Variants in ARHGAP5 observed in about 807,000 individuals in gnomAD.
ARHGAP5 encodes the protein rho GTPase-activating protein 5.
ARHGAP5 carries 23 observed loss-of-function variants against 116.6 expected under a neutral mutation model. The observed-to-expected ratio is 0.20, with a 90% CI of 0.14 to 0.28. ARHGAP5 has a LOEUF of 0.28. ARHGAP5 is among the 10% of genes least tolerant of loss of function. The pLI, the probability that ARHGAP5 is intolerant of heterozygous loss-of-function variation, is 1.00. For missense variants in ARHGAP5, 1,405 were observed against 1,774.8 expected (o/e 0.79, Z 3.74); for synonymous variants, 574 against 602.0 (o/e 0.95, Z 0.68).
At chr14:32,150,805 G>C (rs2139148775) in intron 5 of ARHGAP5, among the ~76,000 whole-genome samples, 1 of 152,248 alleles carries the variant, frequency 6.6e-6, no homozygotes, top group East Asian at 1.9e-4. Flanking sequence ...GTCATTTTGG[G>C]AAAGAACATG....
intron 2 of ARHGAP5, among the ~76,000 whole-genome samples, chr14:32,100,066 A>G (rs369483129): frequency 2.6e-5 from 4 of 152,328 alleles, no homozygotes; most frequent in East Asian, 1.9e-4. Flanking sequence ...TTGAAATGCA[A>G]TTTCACAAAA....
intron 2 of ARHGAP5, among the ~76,000 whole-genome samples, chr14:32,110,620 A>G (rs1235104610): frequency 1.3e-5 from 2 of 152,204 alleles, no homozygotes; most frequent in East Asian, 1.9e-4. Context: ...AGTCCAAGGC[A>G]TGCAGATTGT....
chr14:32,159,001 CA>C lies in ARHGAP5; in HGVS notation c.*4054del, dbSNP rs956717188. ...CCTCCACTATATGAGTTTTCTTTGTCAGGGGGAGAGGAGTGGGAAGAGTCAC... is the reference window on the plus strand; with the variant it reads ...CCTCCACTATATGAGTTTTCTTTGTCGGGGGAGAGGAGTGGGAAGAGTCAC... On this transcript the variant is annotated 3_prime_UTR_variant, in exon 7 of 7. Coordinates refer to ENST00000345122, the MANE Select transcript of ARHGAP5 (RefSeq NM_001030055.2). The C allele has an allele frequency of 6.6e-6, 1 of 151,978 alleles. No individual in the cohort carries two copies. Among genetic ancestry groups the C allele is most frequent in the Non-Finnish European group, 1.5e-5 (1 of 67,924 alleles). The allele number at this position is 151,978 out of a possible 1,614,324, so 9.4% of individuals were successfully genotyped here.
At chr14:32,150,090 A>G in intron 5 of ARHGAP5, 57 bp downstream of exon 5, 2 of 1,400,488 alleles carry the variant, frequency 1.4e-6, no homozygotes, top group Non-Finnish European at 1.9e-6. Context: ...TTGGATATTG[A>G]TTGCTAAGTG....
intron 3 of ARHGAP5, among the ~76,000 whole-genome samples, chr14:32,130,747 G>A (rs1416891330): frequency 6.6e-6 from 1 of 151,198 alleles, no homozygotes; most frequent in Admixed American, 6.6e-5. Context: ...TGGCCAGGCT[G>A]GTCTCAAACT....
chr14:32,104,160 A>G (rs1209342023), intron 2 of ARHGAP5, among the ~76,000 whole-genome samples: 1 of 152,326 alleles, frequency 6.6e-6, no homozygotes, highest in South Asian at 2.1e-4. Flanking sequence ...GAGGAGGAAG[A>G]CACTGAAATT....
At chr14:32,152,602 T>C (rs1881694010) in intron 6 of ARHGAP5, 74 bp downstream of exon 6, 1 of 801,928 alleles carries the variant, frequency 1.2e-6, no homozygotes, top group Non-Finnish European at 2.0e-6. Flanking sequence ...TTTTATAAAT[T>C]GGATAATTAT....
chr14:32,132,300 T>C (rs1000599209), intron 3 of ARHGAP5, among the ~76,000 whole-genome samples: 28 of 152,126 alleles, frequency 1.8e-4, no homozygotes, highest in African/African-American at 5.3e-4. Context: ...GATGGTATCT[T>C]ATTGTGGTTT....
Position 32,156,337 on chromosome 14 carries a change from T to C in ARHGAP5, c.*1389T>C, listed in dbSNP as rs1161815451. On this transcript the variant is annotated 3_prime_UTR_variant, in exon 7 of 7. Transcript: ENST00000345122. ...CATACTACAATTTAAGATTATCTTA[T>C]GTGTATTATAGTAAATAGATGATTT... 6.6e-6 allele frequency: 1 copy of C among 152,458 alleles called. No homozygotes were observed. The highest frequency in any genetic ancestry group is 1.5e-5 in the Non-Finnish European group (1 of 67,854). 9.4% of individuals were successfully genotyped at this position (152,458 alleles called of 1,614,324 possible). A position where few individuals can be genotyped will look rare whatever the true frequency, so the allele number is the denominator to read the frequency against.
chr14:32,092,511 A>G lies in ARHGAP5; in HGVS notation c.1842A>G (p.Ile614Met). Residue 614 changes from isoleucine (I) to methionine (M), a missense_variant, in exon 2 of 7, where the codon ATA (isoleucine) becomes ATG (methionine). Physicochemically the swap from Ile to Met is conservative, Grantham distance 10. This residue lies in a region of ARHGAP5 where 944 missense variants were observed against 1,095.3 expected (regional missense o/e 0.86). Coordinates refer to ENST00000345122, the MANE Select transcript of ARHGAP5 (RefSeq NM_001030055.2). The surrounding 1 kb of genome is among the most constrained non-coding windows in gnomAD (Gnocchi z 4.1). The part of the protein sequence containing the change: ...DGLAQELANE[I>M]RTQSTDDEYA... ...TTGCCCAAGAACTAGCAAATGAGAT[A>G]AGGACACAATCCACTGATGATGAGT... 6.2e-7 allele frequency: 1 copy of G among 1,614,048 alleles called. No individual in the cohort carries two copies. Among genetic ancestry groups the G allele is most frequent in the South Asian group, 1.1e-5 (1 of 91,078 alleles).
At chr14:32,105,828 T>C (rs1339010739) in intron 2 of ARHGAP5, among the ~76,000 whole-genome samples, 1 of 152,234 alleles carries the variant, frequency 6.6e-6, no homozygotes, top group Non-Finnish European at 1.5e-5. Context: ...TTTTCATTTC[T>C]ATAATTTTGT....
At chr14:32,085,885 G>T (rs1422144662) in intron 1 of ARHGAP5, among the ~76,000 whole-genome samples, 1 of 151,990 alleles carries the variant, frequency 6.6e-6, no homozygotes, top group Non-Finnish European at 1.5e-5. Flanking sequence ...TTGTTATGCT[G>T]GCTAAGTACA....
At chr14:32,119,570 T>G (rs1879779688) in intron 3 of ARHGAP5, among the ~76,000 whole-genome samples, 1 of 149,864 alleles carries the variant, frequency 6.7e-6, no homozygotes, top group Non-Finnish European at 1.5e-5. Context: ...AAGATTTAAG[T>G]TATTTTCATT....
chr14:32,090,094 A>G (rs1306311125), intron 1 of ARHGAP5, among the ~76,000 whole-genome samples: 1 of 151,962 alleles, frequency 6.6e-6, no homozygotes, highest in East Asian at 1.9e-4. Flanking sequence ...GTTGTTTTGT[A>G]TTTTTAAGTT....
At chr14:32,153,655 T>G (rs910099904) in intron 6 of ARHGAP5, among the ~76,000 whole-genome samples, 1 of 151,360 alleles carries the variant, frequency 6.6e-6, no homozygotes, top group Admixed American at 6.6e-5. Context: ...GTATTTTTAG[T>G]AGAGACAGGG....
chr14:32,093,066 C>T lies in ARHGAP5; in HGVS notation c.2397C>T (p.Phe799=), dbSNP rs768232197. 3 of 1,613,990 alleles carry T rather than the reference C, an allele frequency of 1.9e-6. No homozygotes were observed. The Admixed American group carries it at 5.0e-5, about 27-fold the overall frequency. The part of the protein sequence containing the change: ...PFSVDLILSP[F]LDSHSCSAAQ... ...GTGTGGATCTTATTCTTTCACCCTT[C>T]CTTGATTCTCATTCTTGCAGTGCTG... The change falls in exon 2 of 7, where the codon TTC becomes TTT. Residue 799 remains phenylalanine, a synonymous_variant. Transcript: ENST00000345122.
At chr14:32,122,062 G>A (rs1879915401) in intron 3 of ARHGAP5, among the ~76,000 whole-genome samples, 1 of 152,198 alleles carries the variant, frequency 6.6e-6, no homozygotes, top group African/African-American at 2.4e-5. Context: ...ATACTTAAGA[G>A]TGGAATTGTT....
chr14:32,085,273 C>G (rs1357478328), intron 1 of ARHGAP5, among the ~76,000 whole-genome samples: 1 of 151,830 alleles, frequency 6.6e-6, no homozygotes, highest in Non-Finnish European at 1.5e-5. Flanking sequence ...TAAGGAGAAC[C>G]CCTCTCTACA....
chr14:32,113,629 A>T (rs1442268488), intron 2 of ARHGAP5, among the ~76,000 whole-genome samples: 4 of 152,212 alleles, frequency 2.6e-5, no homozygotes, highest in Non-Finnish European at 5.9e-5. Flanking sequence ...TTCCTGTCAC[A>T]ACCCCCAATT....
Sources: gnomAD v4.1 joint callset for allele counts (sites outside exome capture counted in the v4.1 genomes callset) on GRCh38, gnomAD v4.1.1 for gene constraint, gnomAD v4.1.1 regional missense constraint, Gnocchi (gnomAD v3.1) non-coding constraint, MANE v1.5 for transcripts, NCBI Gene and HGNC (gene_info 2026-07-23, HGNC 2026-07-21) for gene names.